The following ANO9 variants were observed in gnomAD, a reference collection of about 807,000 sequenced individuals.
ANO9 encodes anoctamin 9, also known as anoctamin-9.
A neutral mutation model predicts 100.5 loss-of-function variants in ANO9; 80 were observed. That is an observed-to-expected ratio of 0.80 (90% CI 0.66 to 0.96). The LOEUF (loss-of-function observed/expected upper bound fraction) is 0.96, where lower values mean the gene tolerates loss of function less well. Among genes scored for constraint, ANO9 ranks in the 40% least tolerant of loss-of-function variants. The pLI, the probability that ANO9 is intolerant of heterozygous loss-of-function variation, is 0.00. For synonymous variants in ANO9, 473 were observed against 435.6 expected (o/e 1.09, Z -1.07); for missense variants, 1,064 against 1,072.7 (o/e 0.99, Z 0.11).
intron 15 of ANO9, among the ~76,000 whole-genome samples, chr11:425,987 C>T (rs1442410063): frequency 6.6e-6 from 1 of 152,148 alleles, no homozygotes; most frequent in Non-Finnish European, 1.5e-5. Flanking sequence ...GTGCCTCGGC[C>T]TCCCAAAGTG....
intron 1 of ANO9, 144 bp downstream of exon 1, chr11:441,777 C>G: frequency 7.6e-7 from 1 of 1,310,622 alleles, no homozygotes; most frequent in Non-Finnish European, 1.0e-6. Context: ...GTCACCCTCG[C>G]CTGACCGGGC....
intron 1 of ANO9, among the ~76,000 whole-genome samples, chr11:439,560 C>G (rs1845692557): frequency 6.6e-6 from 1 of 152,252 alleles, no homozygotes; most frequent in Admixed American, 6.5e-5. Flanking sequence ...CACATCCCCC[C>G]AGCTGTGCAT....
Position 418,331 on chromosome 11 carries a change from A to G in ANO9, c.*40T>C. On this transcript the variant is annotated 3_prime_UTR_variant, in exon 23 of 23. Transcript: ENST00000332826. ...GCTTGTGGGAGGTGCTGGTGGTGGC[A>G]CTGTCTCAGCTCCTGGTGGCCTCTG... 1.3e-6 allele frequency: 2 copies of G among 1,517,772 alleles called. No homozygotes were observed. Among genetic ancestry groups the G allele is most frequent in the Non-Finnish European group, 1.8e-6 (2 of 1,129,866 alleles). 94.0% of individuals were successfully genotyped at this position (1,517,772 alleles called of 1,614,324 possible). A position where few individuals can be genotyped will look rare whatever the true frequency, so the allele number is the denominator to read the frequency against.
At chr11:437,317 T>C (rs1470688928) in intron 1 of ANO9, among the ~76,000 whole-genome samples, 1 of 152,088 alleles carries the variant, frequency 6.6e-6, no homozygotes, top group Non-Finnish European at 1.5e-5. Flanking sequence ...AGCACTGCAC[T>C]AAGGCATCCG....
At chr11:420,898 G>A in intron 17 of ANO9, 38 bp from the exon 18 acceptor site, 1 of 1,592,312 alleles carries the variant, frequency 6.3e-7, no homozygotes, top group Non-Finnish European at 8.5e-7. Context: ...GGCGCAGGGG[G>A]CGGAGGGGCC....
At chr11:429,384 C>A in intron 11 of ANO9, 186 bp downstream of exon 11, 1 of 1,368,212 alleles carries the variant, frequency 7.3e-7, no homozygotes, top group Non-Finnish European at 9.7e-7. Context: ...TCACCCCACA[C>A]GTGGGGAGAC....
At position 431,775 on chromosome 11, in the gene ANO9, G is replaced by T. The variant is rs373528588; in HGVS notation, c.466-8C>A. 1 of 1,612,332 alleles carries T rather than the reference G, an allele frequency of 6.2e-7. No homozygotes were observed. The highest frequency in any genetic ancestry group is 8.5e-7 in the Non-Finnish European group (1 of 1,179,508). On this transcript the variant is annotated splice_region_variant and splice_polypyrimidine_tract_variant and intron_variant, in intron 6 of 22. Coordinates refer to ENST00000332826, the MANE Select transcript of ANO9 (RefSeq NM_001012302.3). ...CTTCAGGCGTCCCTCCCCCTGGCTC[G>T]GGTGACAGAGAGTGAGAGCCCCCAT...
intron 1 of ANO9, 68 bp downstream of exon 1, chr11:441,853 C>G: frequency 6.4e-7 from 1 of 1,567,372 alleles, no homozygotes; most frequent in Non-Finnish European, 8.6e-7. Context: ...GGGCTGGGGC[C>G]GGGGGCCCCA....
chr11:419,768 C>A (rs1564902942), intron 19 of ANO9, 39 bp from the exon 20 acceptor site: 1 of 1,603,656 alleles, frequency 6.2e-7, no homozygotes, highest in African/African-American at 1.3e-5. Context: ...GACTCAGCGT[C>A]CCTCGGCTGG....
chr11:440,891 G>T (rs1218135834), intron 1 of ANO9, among the ~76,000 whole-genome samples: 2 of 152,266 alleles, frequency 1.3e-5, no homozygotes, highest in Admixed American at 1.3e-4. Flanking sequence ...GCGCCACCAG[G>T]CCCGGCTGCA....
chr11:431,766 C>T lies in ANO9; in HGVS notation c.467G>A (p.Gly156Glu), dbSNP rs773046527. The T allele has an allele frequency of 1.9e-6, 3 of 1,612,584 alleles. No individual in the cohort carries two copies. Among genetic ancestry groups the T allele is most frequent in the East Asian group, 2.2e-5 (1 of 44,880 alleles). The change falls in exon 7 of 23, where the codon GGG (glycine) becomes GAG (glutamate). Residue 156 changes from glycine (G) to glutamate (E), a missense_variant and splice_region_variant. Physicochemically the swap from Gly to Glu is moderately conservative, Grantham distance 98 (BLOSUM62 -2). Coordinates refer to ENST00000332826, the MANE Select transcript of ANO9 (RefSeq NM_001012302.3). ...CCACGTCTTCTTCAGGCGTCCCTCC[C>T]CCTGGCTCGGGTGACAGAGAGTGAG... The part of the protein sequence containing the change: ...VFEARFPLHK[G>E]EGRLKKTWAR...
chr11:433,716 T>C, intron 3 of ANO9, 99 bp downstream of exon 3: 1 of 1,473,368 alleles, frequency 6.8e-7, no homozygotes, highest in South Asian at 1.4e-5. Flanking sequence ...CCCACAGCCC[T>C]GCCCCTCGCT....
chr11:441,141 G>T (rs1241304340), intron 1 of ANO9, among the ~76,000 whole-genome samples: 2 of 152,306 alleles, frequency 1.3e-5, no homozygotes, highest in Middle Eastern at 3.4e-3. Flanking sequence ...GCAAGAGGCC[G>T]CCGGCGCAGC....
In ANO9 at chr11:432,984, C is replaced by A. The variant is rs574003670; in HGVS notation, c.350+330G>T. ...GGAGAGGAGGGGTCTTCAAGAGACA[C>A]TGGCCTTGATCCAGGAGGGGCCCCT... On this transcript the variant is annotated intron_variant, in intron 4 of 22. Coordinates refer to ENST00000332826, the MANE Select transcript of ANO9 (RefSeq NM_001012302.3). The surrounding 1 kb of genome is among the most constrained non-coding windows in gnomAD (Gnocchi z 4.8). 22 of 326,084 alleles carry A rather than the reference C, an allele frequency of 6.7e-5. 1 individual carries two copies. In the South Asian group the frequency reaches 1.4e-3, roughly 20 times the overall value. 20.2% of individuals were successfully genotyped at this position (326,084 alleles called of 1,614,324 possible).
Position 428,565 on chromosome 11 carries a change from C to T in ANO9, c.1095G>A (p.Ser365=), listed in dbSNP as rs541901143. ...CCTGCTCCTCCAGGAAGGGCACGGC[C>T]GAGCTGCTGAAGAGCGCGGAGGCCA... ...RVLASALFSS[S]AVPFLEEQVT... The change falls in exon 13 of 23, where the codon TCG becomes TCA. Residue 365 remains serine (S), a synonymous_variant. Coordinates refer to ENST00000332826, the MANE Select transcript of ANO9 (RefSeq NM_001012302.3). 2.5e-4 allele frequency: 401 copies of T among 1,612,646 alleles called. 8 individuals carry two copies. The South Asian group carries it at 3.4e-3, about 14-fold the overall frequency.
rs113954893 is a variant in ANO9, at chr11:428,212, C to T, written c.1223-13G>A. On this transcript the variant is annotated splice_polypyrimidine_tract_variant and intron_variant, in intron 14 of 22. Transcript: ENST00000332826. ...GTCCTGGGCATCTCTGGAATGGGACCGGCCCTCACCTCTCTCCCTGCTCAT... is the reference window on the plus strand; with the variant it reads ...GTCCTGGGCATCTCTGGAATGGGACTGGCCCTCACCTCTCTCCCTGCTCAT... The T allele has an allele frequency of 1.9e-5, 30 of 1,611,060 alleles. No homozygotes were observed. Among genetic ancestry groups the T allele is most frequent in the African/African-American group, 1.1e-4 (8 of 74,754 alleles).
rs1267877362 is a variant in ANO9 at position 428,639 on chromosome 11, T to A, written c.1021A>T (p.Ile341Phe). The change falls in exon 13 of 23, where the codon ATC becomes TTC. Residue 341 changes from isoleucine to phenylalanine, a missense_variant and splice_region_variant. By Grantham distance (21) the Ile-to-Phe change is conservative (BLOSUM62 0). Transcript: ENST00000332826. ...TGGGCCATGCCGATCATGAGGCAGATCTGCGGGACAGCTGTGGTGGGCGGG... is the reference window on the plus strand; with the variant it reads ...TGGGCCATGCCGATCATGAGGCAGAACTGCGGGACAGCTGTGGTGGGCGGG... ...TVILVLTLLM[I>F]CLMIGMAHVL... 6.2e-7 allele frequency: 1 copy of A among 1,611,698 alleles called. No homozygotes were observed. Among genetic ancestry groups the A allele is most frequent in the East Asian group, 2.2e-5 (1 of 44,880 alleles).
Position 431,737 on chromosome 11 carries a change from G to T in ANO9, c.496C>A (p.Arg166=). 6.2e-7 allele frequency: 1 copy of T among 1,612,592 alleles called. No individual in the cohort carries two copies. The highest frequency in any genetic ancestry group is 8.5e-7 in the Non-Finnish European group (1 of 1,179,552). The change falls in exon 7 of 23, where the codon CGG becomes AGG. Residue 166 remains arginine, a synonymous_variant. Transcript: ENST00000332826. The part of the protein sequence containing the change: ...GEGRLKKTWA[R]WRHMFREQPV... ...TGCTCCCGGAACATGTGTCTCCACCGCGCCCACGTCTTCTTCAGGCGTCCC... is the reference window on the plus strand; with the variant it reads ...TGCTCCCGGAACATGTGTCTCCACCTCGCCCACGTCTTCTTCAGGCGTCCC...
rs1318151326 is a variant in ANO9 at position 425,723 on chromosome 11, TG to T, written c.1334+2364del. ...CAATAGTTTTTTGTTTTTTGTTTTTTGTTTGTTTGTTTGTTTTGTTTTTTTT... is the reference window on the plus strand; with the variant it reads ...CAATAGTTTTTTGTTTTTTGTTTTTTTTTGTTTGTTTGTTTTGTTTTTTTT... On this transcript the variant is annotated intron_variant, in intron 15 of 22. Coordinates refer to ENST00000332826, the MANE Select transcript of ANO9 (RefSeq NM_001012302.3). Among the ~76,000 whole-genome samples, 674 of 145,110 alleles carry T rather than the reference TG, an allele frequency of 4.6e-3. 7 individuals carry two copies. Among genetic ancestry groups the T allele is most frequent in the African/African-American group, 0.016 (581 of 35,508 alleles).
Sources: allele counts gnomAD v4.1 joint callset (sites outside exome capture counted in the v4.1 genomes callset), GRCh38; gene constraint gnomAD v4.1.1; non-coding constraint Gnocchi (gnomAD v3.1); transcripts MANE v1.5; gene names NCBI Gene and HGNC (gene_info 2026-07-23, HGNC 2026-07-21).